ENPP4: variants seen among roughly 807,000 people sequenced by gnomAD.
ENPP4 encodes the protein ectonucleotide pyrophosphatase/phosphodiesterase 4, also known as bis(5'-adenosyl)-triphosphatase ENPP4.
ENPP4 carries 18 observed loss-of-function variants against 33.4 expected under a neutral mutation model. That is an observed-to-expected ratio of 0.54 (90% CI 0.37 to 0.80). The LOEUF (loss-of-function observed/expected upper bound fraction) is 0.80. ENPP4 is among the 30% of genes least tolerant of loss of function. The pLI is 0.00. For synonymous variants in ENPP4, 172 were observed against 189.9 expected (o/e 0.91, Z 0.78); for missense variants, 480 against 541.7 (o/e 0.89, Z 1.13).
chr6:46,146,108 A>G lies in ENPP4; in HGVS notation c.*2468A>G, dbSNP rs1764136050. On this transcript the variant is annotated 3_prime_UTR_variant, in exon 4 of 4. Coordinates refer to ENST00000321037, the MANE Select transcript of ENPP4 (RefSeq NM_014936.5). ...GAAAACAATACCCCAAGGTAATAGGAAAAGTTTGAGTTAAGTGTTTTTAAT... is the reference window on the plus strand; with the variant it reads ...GAAAACAATACCCCAAGGTAATAGGGAAAGTTTGAGTTAAGTGTTTTTAAT... The G allele has an allele frequency of 6.6e-6, 1 of 151,896 alleles. No homozygotes were observed. Among genetic ancestry groups the G allele is most frequent in the South Asian group, 2.1e-4 (1 of 4,830 alleles). 9.4% of individuals were successfully genotyped at this position (151,896 alleles called of 1,614,324 possible). A position where few individuals can be genotyped will look rare whatever the true frequency, so the allele number is the denominator to read the frequency against.
At chr6:46,134,422 G>A (rs562192606) in intron 1 of ENPP4, among the ~76,000 whole-genome samples, 1 of 152,252 alleles carries the variant, frequency 6.6e-6, no homozygotes, top group South Asian at 2.1e-4. Flanking sequence ...CTGAGCCACA[G>A]GATTAACAGC....
intron 3 of ENPP4, among the ~76,000 whole-genome samples, chr6:46,141,657 A>G (rs1269598803): frequency 6.6e-6 from 1 of 151,692 alleles, no homozygotes; most frequent in African/African-American, 2.4e-5. Flanking sequence ...AACACTGGGC[A>G]AGAACCAGAA....
chr6:46,139,885 A>T lies in ENPP4; in HGVS notation c.302A>T (p.His101Leu), dbSNP rs1562060148. The T allele has an allele frequency of 5.0e-6, 8 of 1,612,788 alleles. No homozygotes were observed. Among genetic ancestry groups the T allele is most frequent in the Middle Eastern group, 1.7e-4 (1 of 6,056 alleles). The change falls in exon 2 of 4, where the codon CAC becomes CTC. Residue 101 changes from histidine (H) to leucine (L), a missense_variant. Coordinates refer to ENST00000321037, the MANE Select transcript of ENPP4 (RefSeq NM_014936.5). ...ATGTATGATGCAGTCACAAAGAAAC[A>T]CTTTTCTGACTCTAATGACAAGGAT... ...NSMYDAVTKK[H>L]FSDSNDKDPF...
At chr6:46,132,194 G>A (rs372183851) in intron 1 of ENPP4, among the ~76,000 whole-genome samples, 1,545 of 151,642 alleles carry the variant, frequency 0.01, 28 homozygotes, top group Non-Finnish European at 0.011. Flanking sequence ...TTTTGTTGCC[G>A]TTGCTTTTGG....
chr6:46,142,158 A>G (rs559454070), intron 3 of ENPP4, among the ~76,000 whole-genome samples: 2 of 151,462 alleles, frequency 1.3e-5, no homozygotes, highest in African/African-American at 4.8e-5. Context: ...GTTATGTTGC[A>G]TATTTGTTGT....
At chr6:46,135,121 C>A (rs1045926272) in intron 1 of ENPP4, among the ~76,000 whole-genome samples, 2 of 152,006 alleles carry the variant, frequency 1.3e-5, no homozygotes, top group Non-Finnish European at 2.9e-5. Context: ...TTGATTCTTA[C>A]AAATAATGCT....
At chr6:46,130,515 T>C (rs947782560) in intron 1 of ENPP4, among the ~76,000 whole-genome samples, 2 of 152,006 alleles carry the variant, frequency 1.3e-5, no homozygotes, top group African/African-American at 4.8e-5. Flanking sequence ...TGGGGTAAAA[T>C]TGAGGGGAGC....
intron 1 of ENPP4, among the ~76,000 whole-genome samples, chr6:46,130,954 A>T (rs1049014965): frequency 6.6e-6 from 1 of 152,136 alleles, no homozygotes; most frequent in African/African-American, 2.4e-5. Context: ...TTTGCCAACT[A>T]CTGTGAAATA....
intron 3 of ENPP4, among the ~76,000 whole-genome samples, chr6:46,142,400 AT>A (rs1269520635): frequency 1.2e-4 from 9 of 78,258 alleles, no homozygotes; most frequent in Non-Finnish European, 2.9e-4. Context: ...ATAATATATA[AT>A]TACATATAAT....
Position 46,143,755 on chromosome 6 carries a change from T to A in ENPP4, c.*115T>A. On this transcript the variant is annotated 3_prime_UTR_variant, in exon 4 of 4. Transcript: ENST00000321037. ...ACTTTGAAAGACAAAGAACTTAGACTAAGCATGTTAAAATTATTACTTTGT... is the reference window on the plus strand; with the variant it reads ...ACTTTGAAAGACAAAGAACTTAGACAAAGCATGTTAAAATTATTACTTTGT... 9.5e-7 allele frequency: 1 copy of A among 1,057,564 alleles called. No individual in the cohort carries two copies. Among genetic ancestry groups the A allele is most frequent in the Non-Finnish European group, 1.4e-6 (1 of 732,858 alleles). 65.5% of individuals were successfully genotyped at this position (1,057,564 alleles called of 1,614,324 possible). A position where few individuals can be genotyped will look rare whatever the true frequency, so the allele number is the denominator to read the frequency against.
intron 3 of ENPP4, among the ~76,000 whole-genome samples, chr6:46,142,883 TACTC>T (rs1468225645): frequency 1.3e-5 from 2 of 151,802 alleles, no homozygotes; most frequent in East Asian, 1.9e-4. Context: ...TTGTTGGCCT[TACTC>T]ACTTCTGTTC....
Position 46,144,421 on chromosome 6 carries a change from G to T in ENPP4, c.*781G>T, listed in dbSNP as rs1027092152. 1 of 152,026 alleles carries T rather than the reference G, an allele frequency of 6.6e-6. No homozygotes were observed. The highest frequency in any genetic ancestry group is 6.6e-5 in the Admixed American group (1 of 15,180). The allele number at this position is 152,026 out of a possible 1,614,324, so 9.4% of individuals were successfully genotyped here. ...TGTTTGCGTGTGCCTGTGCAAGTGT[G>T]TTTGTGTGTGGTTGTGTGGACATTA... On this transcript the variant is annotated 3_prime_UTR_variant, in exon 4 of 4. Coordinates refer to ENST00000321037, the MANE Select transcript of ENPP4 (RefSeq NM_014936.5).
In ENPP4 at chr6:46,139,967, C is replaced by T. The variant is rs765240060; in HGVS notation, c.384C>T (p.Asn128=). The part of the protein sequence containing the change: ...PIWVTNQLQE[N]RSSAAAMWPG... ...GGGTGACCAATCAGCTTCAGGAAAA[C>T]AGATCAAGTGCTGCTGCTATGTGGC... Residue 128 remains asparagine (N), a synonymous_variant, in exon 2 of 4, where the codon AAC becomes AAT. Transcript: ENST00000321037. 2 of 1,612,882 alleles carry T rather than the reference C, an allele frequency of 1.2e-6. No individual in the cohort carries two copies. Among genetic ancestry groups the T allele is most frequent in the Middle Eastern group, 1.7e-4 (1 of 6,058 alleles).
chr6:46,135,630 A>G (rs765485145), intron 1 of ENPP4, among the ~76,000 whole-genome samples: 5 of 151,864 alleles, frequency 3.3e-5, no homozygotes, highest in Non-Finnish European at 5.9e-5. Context: ...CACTTTCTTG[A>G]TGGTATCCTT....
At chr6:46,138,925 T>G (rs966323163) in intron 1 of ENPP4, among the ~76,000 whole-genome samples, 1 of 151,986 alleles carries the variant, frequency 6.6e-6, no homozygotes, top group African/African-American at 2.4e-5. Context: ...CATAAGTTAC[T>G]GGAGCATCCA....
chr6:46,140,325 C>T lies in ENPP4; in HGVS notation c.742C>T (p.Leu248=). ...HGMTQCSQDR[L]INLDSCIDHS... Reference sequence around the variant, plus strand: ...GATGACCCAGTGTTCTCAGGACAGACTGATAAACCTGGATTCCTGCATCGA... The same window carrying T: ...GATGACCCAGTGTTCTCAGGACAGATTGATAAACCTGGATTCCTGCATCGA... Residue 248 remains leucine (L), a synonymous_variant, in exon 2 of 4, where the codon CTG becomes TTG. Transcript: ENST00000321037. 6.2e-7 allele frequency: 1 copy of T among 1,611,830 alleles called. No homozygotes were observed. The highest frequency in any genetic ancestry group is 8.5e-7 in the Non-Finnish European group (1 of 1,178,722).
chr6:46,135,492 G>A (rs933916137), intron 1 of ENPP4, among the ~76,000 whole-genome samples: 6 of 151,904 alleles, frequency 3.9e-5, no homozygotes, highest in African/African-American at 1.5e-4. Context: ...TTCAGCTCAT[G>A]CTCATTTTTT....
intron 3 of ENPP4, 90 bp downstream of exon 3, chr6:46,141,312 A>T: frequency 1.1e-6 from 1 of 897,034 alleles, no homozygotes; most frequent in Non-Finnish European, 1.7e-6. Flanking sequence ...TTCGATTTAA[A>T]GAAGTTCACA....
In ENPP4 at chr6:46,143,486, A is replaced by G. The variant is rs1764098537; in HGVS notation, c.1208A>G (p.Asn403Ser). Residue 403 changes from asparagine to serine, a missense_variant, in exon 4 of 4, where the codon AAT becomes AGT. By Grantham distance (46) the Asn-to-Ser change is conservative. Around this residue, in one of 3 missense-constraint regions of ENPP4, gnomAD observed 249 missense variants for 251.8 expected, o/e 0.99. Transcript: ENST00000321037. The stretch of plus-strand genomic sequence containing the variant: ...TTGTTAGTTGACCAGTGGTGCATTA[A>G]TCTCCCAGAAGCCATCGCGATTGTT... ...KCLLVDQWCI[N>S]LPEAIAIVIG... 1 of 1,612,884 alleles carries G rather than the reference A, an allele frequency of 6.2e-7. No homozygotes were observed. Among genetic ancestry groups the G allele is most frequent in the South Asian group, 1.1e-5 (1 of 91,052 alleles).
Sources: gnomAD v4.1 joint callset for allele counts (sites outside exome capture counted in the v4.1 genomes callset) on GRCh38, gnomAD v4.1.1 for gene constraint, gnomAD v4.1.1 regional missense constraint, MANE v1.5 for transcripts, NCBI Gene and HGNC (gene_info 2026-07-23, HGNC 2026-07-21) for gene names.